The following KLHDC2 variants were observed in gnomAD, a reference collection of about 807,000 sequenced individuals.
KLHDC2 encodes kelch domain-containing protein 2.
In KLHDC2, 38 loss-of-function variants were observed where a neutral mutation model predicts 62.3. The observed-to-expected ratio is 0.61, with a 90% CI of 0.47 to 0.80. KLHDC2 has a LOEUF of 0.80. Among genes scored for constraint, KLHDC2 ranks in the 30% least tolerant of loss-of-function variants. The probability of loss-of-function intolerance (pLI) is 0.00; values close to 1 mark genes in which losing one functional copy is unlikely to be tolerated. For synonymous variants in KLHDC2, 159 were observed against 161.0 expected (o/e 0.99, Z 0.09); for missense variants, 430 against 495.3 (o/e 0.87, Z 1.25).
rs1248112774 is a variant in KLHDC2, at chr14:49,783,943, T to TG, written c.*991dup. ...CACAATCCTAAATATTTAAACCCCT[T>TG]GTAGCTGGCCTATAATATATATATA... On this transcript the variant is annotated 3_prime_UTR_variant, in exon 13 of 13. Transcript: ENST00000298307. 1 of 152,154 alleles carries TG rather than the reference T, an allele frequency of 6.6e-6. No individual in the cohort carries two copies. The highest frequency in any genetic ancestry group is 1.5e-5 in the Non-Finnish European group (1 of 68,010). 9.4% of individuals were successfully genotyped at this position (152,154 alleles called of 1,614,324 possible). A position where few individuals can be genotyped will look rare whatever the true frequency, so the allele number is the denominator to read the frequency against.
chr14:49,771,011 G>A (rs1297097533), intron 1 of KLHDC2, among the ~76,000 whole-genome samples: 1 of 152,104 alleles, frequency 6.6e-6, no homozygotes, highest in Admixed American at 6.5e-5. Context: ...GCTGAAATTT[G>A]GTGCATGGTT....
chr14:49,785,407 A>ATTTTTTATCTTTTCC lies in KLHDC2; in HGVS notation c.*2456_*2470dup, dbSNP rs1555344151. The ATTTTTTATCTTTTCC allele has an allele frequency of 3.8e-3, 3,271 of 868,732 alleles. 16 individuals are homozygous for ATTTTTTATCTTTTCC. The highest frequency in any genetic ancestry group is 5.1e-3 in the Non-Finnish European group (2,613 of 514,948). 53.8% of individuals were successfully genotyped at this position (868,732 alleles called of 1,614,324 possible). A position where few individuals can be genotyped will look rare whatever the true frequency, so the allele number is the denominator to read the frequency against. On this transcript the variant is annotated 3_prime_UTR_variant, in exon 13 of 13. Coordinates refer to ENST00000298307, the MANE Select transcript of KLHDC2 (RefSeq NM_014315.3). ...AACACTTGAATTAGTATCTCAACATATTTTTTATCTTTTCCTGATATACAT... is the reference window on the plus strand; with the variant it reads ...AACACTTGAATTAGTATCTCAACATATTTTTTATCTTTTCCTTTTTTATCTTTTCCTGATATACAT...
intron 2 of KLHDC2, among the ~76,000 whole-genome samples, chr14:49,771,891 C>T (rs1042670570): frequency 1.3e-5 from 2 of 151,838 alleles, no homozygotes; most frequent in Admixed American, 6.6e-5. Flanking sequence ...CTTGGGAGTC[C>T]GAGGTGGGAG....
rs765718382 is a variant in KLHDC2 at position 49,782,973 on chromosome 14, A to G, written c.*20A>G. The G allele has an allele frequency of 7.5e-6, 12 of 1,607,730 alleles. No individual in the cohort carries two copies. The highest frequency in any genetic ancestry group is 1.3e-5 in the African/African-American group (1 of 74,700). Reference sequence around the variant, plus strand: ...TCTTAAGGCTTCATAAATAATGCCTATGATCACCTTGCATGGACAGCAATC... The same window carrying G: ...TCTTAAGGCTTCATAAATAATGCCTGTGATCACCTTGCATGGACAGCAATC... On this transcript the variant is annotated 3_prime_UTR_variant, in exon 13 of 13. Transcript: ENST00000298307.
Position 49,780,704 on chromosome 14 carries a change from T to C in KLHDC2, c.885T>C (p.Ser295=). ...GGFTTDKQPL[S]DAWTYCISKN... ...ACTTCATTTCTTTGCTTGAATCAGG[T>C]GATGCCTGGACTTACTGCATCAGTA... Residue 295 remains serine, a splice_region_variant and synonymous_variant, in exon 10 of 13, where the codon AGT becomes AGC. Coordinates refer to ENST00000298307, the MANE Select transcript of KLHDC2 (RefSeq NM_014315.3). The C allele has an allele frequency of 6.2e-7, 1 of 1,600,152 alleles. No homozygotes were observed.
chr14:49,781,258 A>C (rs1889894157), intron 10 of KLHDC2, among the ~76,000 whole-genome samples: 1 of 152,020 alleles, frequency 6.6e-6, no homozygotes, highest in Non-Finnish European at 1.5e-5. Context: ...AATCCCAGCT[A>C]CTTGAGAGGC....
chr14:49,780,149 GA>G, intron 8 of KLHDC2, 63 bp from the exon 9 acceptor site: 1 of 1,088,082 alleles, frequency 9.2e-7, no homozygotes, highest in Non-Finnish European at 1.4e-6. Flanking sequence ...AATTTTAAAA[GA>G]AAACTTAAAA....
chr14:49,772,296 G>A (rs1035435405), intron 2 of KLHDC2, among the ~76,000 whole-genome samples: 1 of 152,016 alleles, frequency 6.6e-6, no homozygotes, highest in Non-Finnish European at 1.5e-5. Flanking sequence ...TTTATAAATG[G>A]TTAAATTGTT....
rs1889672505 is a variant in KLHDC2, at chr14:49,771,882, T to C, written c.233+209T>C. On this transcript the variant is annotated intron_variant, in intron 2 of 12. Coordinates refer to ENST00000298307, the MANE Select transcript of KLHDC2 (RefSeq NM_014315.3). ...ATGGTGGCGTGCTAATTCCAGCTAC[T>C]TGGGAGTCCGAGGTGGGAGAATCGC... 2.6e-5 allele frequency among the ~76,000 whole-genome samples: 4 copies of C among 152,070 alleles called. No individual in the cohort carries two copies. In the South Asian group the frequency reaches 8.3e-4, roughly 32 times the overall value.
rs750527221 is a variant in KLHDC2, at chr14:49,785,571, T to C, written c.*2618T>C. On this transcript the variant is annotated 3_prime_UTR_variant, in exon 13 of 13. Coordinates refer to ENST00000298307, the MANE Select transcript of KLHDC2 (RefSeq NM_014315.3). ...ATGAGAACAATAATTTTCAAAATCCTACCTACAGTTACATTTAAGAGAAAG... is the reference window on the plus strand; with the variant it reads ...ATGAGAACAATAATTTTCAAAATCCCACCTACAGTTACATTTAAGAGAAAG... 6.7e-5 allele frequency: 26 copies of C among 385,680 alleles called. No individual in the cohort carries two copies. Among genetic ancestry groups the C allele is most frequent in the Non-Finnish European group, 1.2e-4 (24 of 205,942 alleles). 23.9% of individuals were successfully genotyped at this position (385,680 alleles called of 1,614,324 possible).
At chr14:49,781,395 G>A (rs1889900975) in intron 10 of KLHDC2, among the ~76,000 whole-genome samples, 1 of 147,854 alleles carries the variant, frequency 6.8e-6, no homozygotes, top group Non-Finnish European at 1.5e-5. Context: ...AGGGGGTAGA[G>A]GTGCTGGAAT....
chr14:49,783,043 T>C lies in KLHDC2; in HGVS notation c.*90T>C. The C allele has an allele frequency of 7.3e-7, 1 of 1,371,594 alleles. No homozygotes were observed. The highest frequency in any genetic ancestry group is 9.9e-7 in the Non-Finnish European group (1 of 1,006,124). 85.0% of individuals were successfully genotyped at this position (1,371,594 alleles called of 1,614,324 possible). A position where few individuals can be genotyped will look rare whatever the true frequency, so the allele number is the denominator to read the frequency against. On this transcript the variant is annotated 3_prime_UTR_variant, in exon 13 of 13. Transcript: ENST00000298307. Reference sequence around the variant, plus strand: ...GCATCATTTGTATAATTATATGCATTGTTGTAGTTTGCACCTGTTGGTTTT... The same window carrying C: ...GCATCATTTGTATAATTATATGCATCGTTGTAGTTTGCACCTGTTGGTTTT...
Position 49,780,217 on chromosome 14 carries a change from C to T in KLHDC2, c.778C>T (p.Pro260Ser). 6.3e-7 allele frequency: 1 copy of T among 1,596,022 alleles called. No homozygotes were observed. The highest frequency in any genetic ancestry group is 8.6e-7 in the Non-Finnish European group (1 of 1,163,910). Residue 260 changes from proline (P) to serine (S), a missense_variant, in exon 9 of 13, where the codon CCA becomes TCA. Physicochemically the swap from Pro to Ser is moderately conservative, Grantham distance 74. Transcript: ENST00000298307. ...LDTWEWNELI[P>S]QGICPVGRSW... Reference sequence around the variant, plus strand: ...TAACTTAGCTATTATTTTCAGAATTCCACAAGGCATATGCCCAGTTGGTCG... The same window carrying T: ...TAACTTAGCTATTATTTTCAGAATTTCACAAGGCATATGCCCAGTTGGTCG...
chr14:49,785,384 C>T lies in KLHDC2; in HGVS notation c.*2431C>T, dbSNP rs1044179360. On this transcript the variant is annotated 3_prime_UTR_variant, in exon 13 of 13. Transcript: ENST00000298307. ...CCGCCCTTTACAAAAAATGCTAAAACACTTGAATTAGTATCTCAACATATT... is the reference window on the plus strand; with the variant it reads ...CCGCCCTTTACAAAAAATGCTAAAATACTTGAATTAGTATCTCAACATATT... 2.9e-6 allele frequency: 3 copies of T among 1,051,148 alleles called. No homozygotes were observed. Among genetic ancestry groups the T allele is most frequent in the Non-Finnish European group, 4.5e-6 (3 of 669,196 alleles). 65.1% of individuals were successfully genotyped at this position (1,051,148 alleles called of 1,614,324 possible).
Position 49,768,541 on chromosome 14 carries a change from G to A in KLHDC2, c.73G>A (p.Glu25Lys), listed in dbSNP as rs1298447110. The change falls in exon 1 of 13, where the codon GAG becomes AAG. Residue 25 changes from glutamate to lysine, a missense_variant. Physicochemically the swap from Glu to Lys is moderately conservative, Grantham distance 56 (BLOSUM62 1). Transcript: ENST00000298307. ...GPAFESYESM[E>K]LACPAERSGH... ...AGCCTTCGAGAGCTATGAGTCCATG[G>A]AGCTTGCCTGCCCCGCTGAGCGCAG... is the stretch of plus-strand genomic sequence containing the variant. The A allele has an allele frequency of 1.9e-6, 3 of 1,610,198 alleles. No individual in the cohort carries two copies. Among genetic ancestry groups the A allele is most frequent in the Non-Finnish European group, 2.5e-6 (3 of 1,178,782 alleles).
chr14:49,786,265 A>C lies in KLHDC2; in HGVS notation c.*3312A>C, dbSNP rs1410743920. Reference sequence around the variant, plus strand: ...TGCCAAAGTTGAGAAACCCTGGGCTAGAACAGCCTTCTCTCTTACCCATTA... The same window carrying C: ...TGCCAAAGTTGAGAAACCCTGGGCTCGAACAGCCTTCTCTCTTACCCATTA... On this transcript the variant is annotated 3_prime_UTR_variant, in exon 13 of 13. Transcript: ENST00000298307. 6.1e-6 allele frequency: 1 copy of C among 162,750 alleles called. No homozygotes were observed. Among genetic ancestry groups the C allele is most frequent in the African/African-American group, 2.4e-5 (1 of 41,558 alleles). 10.1% of individuals were successfully genotyped at this position (162,750 alleles called of 1,614,324 possible). A position where few individuals can be genotyped will look rare whatever the true frequency, so the allele number is the denominator to read the frequency against.
chr14:49,782,453 G>A lies in KLHDC2; in HGVS notation c.1040G>A (p.Arg347Lys), dbSNP rs775365639. 11 of 1,610,792 alleles carry A rather than the reference G, an allele frequency of 6.8e-6. No individual in the cohort carries two copies. The African/African-American group carries it at 1.3e-4, about 20-fold the overall frequency. The change falls in exon 11 of 13, where the codon AGA becomes AAA. Residue 347 changes from arginine (R) to lysine (K), a missense_variant. Coordinates refer to ENST00000298307, the MANE Select transcript of KLHDC2 (RefSeq NM_014315.3). Reference protein sequence around the residue: ...GCANNLLVHHRAAHSNEILIF... With the variant: ...GCANNLLVHHKAAHSNEILIF... ...GCCAACAACTTGCTTGTCCATCACA[G>A]AGCTGTAAGTATACTACCTTCACAT...
Position 49,771,589 on chromosome 14 carries a change from C to T in KLHDC2, c.154-5C>T. 3 of 1,320,638 alleles carry T rather than the reference C, an allele frequency of 2.3e-6. No individual in the cohort carries two copies. The highest frequency in any genetic ancestry group is 3.3e-6 in the Non-Finnish European group (3 of 920,076). 81.8% of individuals were successfully genotyped at this position (1,320,638 alleles called of 1,614,324 possible). ...TTTTATATTTACAATTTTTTTTATTCTTAGAGTAATCAAGTCAGAGGATTA... is the reference window on the plus strand; with the variant it reads ...TTTTATATTTACAATTTTTTTTATTTTTAGAGTAATCAAGTCAGAGGATTA... On this transcript the variant is annotated splice_region_variant and splice_polypyrimidine_tract_variant and intron_variant, in intron 1 of 12. Transcript: ENST00000298307.
chr14:49,783,630 G>C lies in KLHDC2; in HGVS notation c.*677G>C, dbSNP rs569865028. ...TAAGAGACAGAGGAAAAGTGGGTTA[G>C]AGTCTTTAGTGGTAAGCCTAAAATG... On this transcript the variant is annotated 3_prime_UTR_variant, in exon 13 of 13. Transcript: ENST00000298307. The C allele has an allele frequency of 4.6e-5, 7 of 152,242 alleles. No individual in the cohort carries two copies. In the East Asian group the frequency reaches 1.3e-3, roughly 29 times the overall value. 9.4% of individuals were successfully genotyped at this position (152,242 alleles called of 1,614,324 possible).
Sources: allele counts gnomAD v4.1 joint callset (sites outside exome capture counted in the v4.1 genomes callset), GRCh38; gene constraint gnomAD v4.1.1; transcripts MANE v1.5; gene names NCBI Gene and HGNC (gene_info 2026-07-23, HGNC 2026-07-21).